The following NECTIN4 variants were observed in gnomAD, a reference collection of about 807,000 sequenced individuals.
NECTIN4 encodes nectin-4.
A neutral mutation model predicts 51.7 loss-of-function variants in NECTIN4; 19 were observed. The observed-to-expected ratio is 0.37, with a 90% CI of 0.26 to 0.54. NECTIN4 has a LOEUF of 0.54. Ranked by LOEUF, NECTIN4 falls within the 20% of genes least tolerant of loss-of-function variation. The probability of loss-of-function intolerance (pLI) is 0.86; values close to 1 mark genes in which losing one functional copy is unlikely to be tolerated. For missense variants in NECTIN4, 619 were observed against 662.4 expected (o/e 0.93, Z 0.72); for synonymous variants, 283 against 286.9 (o/e 0.99, Z 0.14).
chr1:161,089,134 G>A lies in NECTIN4; in HGVS notation c.79+84C>T, dbSNP rs575887939. The A allele has an allele frequency of 3.7e-5, 43 of 1,166,230 alleles. No individual in the cohort carries two copies. Among genetic ancestry groups the A allele is most frequent in the Middle Eastern group, 2.0e-4 (1 of 5,124 alleles). The allele number at this position is 1,166,230 out of a possible 1,614,324, so 72.2% of individuals were successfully genotyped here. On this transcript the variant is annotated intron_variant, in intron 1 of 8. Transcript: ENST00000368012. The surrounding 1 kb of genome is among the most constrained non-coding windows in gnomAD (Gnocchi z 4.1). ...GAAAGGAGGATATGTGTGTGCGTGC[G>A]TGTGTGTCTATGTGTTTGTGCATGT... is the stretch of plus-strand genomic sequence containing the variant.
At chr1:161,076,828 T>C (rs746327297) in intron 3 of NECTIN4, among the ~76,000 whole-genome samples, 15 of 152,262 alleles carry the variant, frequency 9.9e-5, no homozygotes, top group Non-Finnish European at 1.9e-4. Context: ...TTCAAAGGTG[T>C]AACAATCCTA....
At chr1:161,084,493 C>G (rs1173297457) in intron 1 of NECTIN4, 1 of 152,382 alleles carries the variant, frequency 6.6e-6, no homozygotes, top group Non-Finnish European at 1.5e-5. Context: ...CCCCCAGCAT[C>G]CTTCCCCACC....
intron 1 of NECTIN4, among the ~76,000 whole-genome samples, chr1:161,081,608 C>T (rs1653677681): frequency 6.6e-6 from 1 of 152,108 alleles, no homozygotes; most frequent in African/African-American, 2.4e-5. Context: ...AGCTCCTTGC[C>T]TTGGAACGCG....
chr1:161,084,848 G>A (rs1653858958), intron 1 of NECTIN4: 1 of 151,904 alleles, frequency 6.6e-6, no homozygotes, highest in African/African-American at 2.4e-5. Context: ...GGGGGGTGAG[G>A]GGAATCCTGC....
rs1653484526 is a variant in NECTIN4 at position 161,077,718 on chromosome 1, A to C, written c.465T>G (p.Pro155=). The change falls in exon 3 of 9, where the codon CCT becomes CCG. Residue 155 remains proline (P), a synonymous_variant. Coordinates refer to ENST00000368012, the MANE Select transcript of NECTIN4 (RefSeq NM_030916.3). ...CCTGGCCCTCTTCTAGTGCTGGACC[A>C]GGATTCAGTGAGGGCAGGGGAGGCA... ...VLVPPLPSLN[P]GPALEEGQGL... 1.2e-6 allele frequency: 2 copies of C among 1,611,236 alleles called. No homozygotes were observed. Among genetic ancestry groups the C allele is most frequent in the Non-Finnish European group, 1.7e-6 (2 of 1,179,922 alleles).
At chr1:161,081,758 T>G (rs939934652) in intron 1 of NECTIN4, among the ~76,000 whole-genome samples, 1 of 152,072 alleles carries the variant, frequency 6.6e-6, no homozygotes, top group Non-Finnish European at 1.5e-5. Flanking sequence ...CTACTCATCA[T>G]TTAAGACTCC....
At chr1:161,083,769 G>A (rs746864372) in intron 1 of NECTIN4, among the ~76,000 whole-genome samples, 26 of 152,190 alleles carry the variant, frequency 1.7e-4, no homozygotes, top group Admixed American at 2.6e-4. Context: ...AGGCCCCCAC[G>A]GGCCTCTTTG....
At chr1:161,077,211 C>T (rs1653447616) in intron 3 of NECTIN4, among the ~76,000 whole-genome samples, 1 of 152,170 alleles carries the variant, frequency 6.6e-6, no homozygotes, top group African/African-American at 2.4e-5. Flanking sequence ...AATTGATTCT[C>T]CCAACAACCC....
chr1:161,071,389 A>G lies in NECTIN4; in HGVS notation c.*1272T>C, dbSNP rs1001069849. The G allele has an allele frequency of 6.6e-6, 1 of 152,204 alleles. No homozygotes were observed. Among genetic ancestry groups the G allele is most frequent in the Non-Finnish European group, 1.5e-5 (1 of 68,048 alleles). The allele number at this position is 152,204 out of a possible 1,614,324, so 9.4% of individuals were successfully genotyped here. ...TCAACTCCTACTCTCTCGGTCTATA[A>G]TCACTGCTCTCTCTCTCCCCAACAC... On this transcript the variant is annotated 3_prime_UTR_variant, in exon 9 of 9. Transcript: ENST00000368012.
intron 1 of NECTIN4, among the ~76,000 whole-genome samples, chr1:161,081,027 G>A (rs1466567167): frequency 1.3e-5 from 2 of 152,154 alleles, no homozygotes; most frequent in South Asian, 2.1e-4. Flanking sequence ...AGGATTAGGA[G>A]GGAGAGAGGC....
At chr1:161,082,113 G>T (rs1036317955) in intron 1 of NECTIN4, among the ~76,000 whole-genome samples, 2 of 152,144 alleles carry the variant, frequency 1.3e-5, no homozygotes, top group African/African-American at 4.8e-5. Context: ...CAGATCACCT[G>T]AGGTCAGGAG....
At chr1:161,086,979 C>T (rs999242934) in intron 1 of NECTIN4, 2 of 152,362 alleles carry the variant, frequency 1.3e-5, no homozygotes, top group African/African-American at 4.8e-5. Context: ...CATCGTATTT[C>T]AGAGCTGGAA....
chr1:161,089,278 C>A lies in NECTIN4; in HGVS notation c.19G>T (p.Ala7Ser). MPLSLG[A>S]EMWGPEAWLL... ...CAGGCCTCAGGCCCCCACATCTCGG[C>A]TCCCAGGGACAGGGGCATGGTTGAA... The change falls in exon 1 of 9, where the codon GCC becomes TCC. Residue 7 changes from alanine to serine, a missense_variant. Ala to Ser is a moderately conservative substitution (Grantham distance 99). Coordinates refer to ENST00000368012, the MANE Select transcript of NECTIN4 (RefSeq NM_030916.3). The surrounding 1 kb of genome is among the most constrained non-coding windows in gnomAD (Gnocchi z 4.1). 1 of 1,610,668 alleles carries A rather than the reference C, an allele frequency of 6.2e-7. No homozygotes were observed.
chr1:161,071,224 T>C lies in NECTIN4; in HGVS notation c.*1437A>G, dbSNP rs1653130456. 6.6e-6 allele frequency: 1 copy of C among 152,068 alleles called. No homozygotes were observed. The highest frequency in any genetic ancestry group is 6.6e-5 in the Admixed American group (1 of 15,266). 9.4% of individuals were successfully genotyped at this position (152,068 alleles called of 1,614,324 possible). A position where few individuals can be genotyped will look rare whatever the true frequency, so the allele number is the denominator to read the frequency against. ...AATCTAGGTATTCTGGCTGAGTGTA[T>C]CTGGGTGGGCCAGCTAAAAATAAAC... is the stretch of plus-strand genomic sequence containing the variant. On this transcript the variant is annotated 3_prime_UTR_variant, in exon 9 of 9. Transcript: ENST00000368012.
rs1176507692 is a variant in NECTIN4 at position 161,089,227 on chromosome 1, A to T, written c.70T>A (p.Ser24Thr). The T allele has an allele frequency of 6.2e-7, 1 of 1,613,192 alleles. No homozygotes were observed. The highest frequency in any genetic ancestry group is 1.3e-5 in the African/African-American group (1 of 75,020). The part of the protein sequence containing the change: ...AWLLLLLLLA[S>T]FTGRCPAGEL... ...TTCAGGCAAGTCCTACCTGTAAATG[A>T]TGCCAGCAGTAGCAGCAGCAGCAGC... The change falls in exon 1 of 9, where the codon TCA becomes ACA. Residue 24 changes from serine to threonine, a missense_variant. Ser to Thr is a moderately conservative substitution (Grantham distance 58). Around this residue, in one of 3 missense-constraint regions of NECTIN4, gnomAD observed 218 missense variants for 186.3 expected, o/e 1.17. Coordinates refer to ENST00000368012, the MANE Select transcript of NECTIN4 (RefSeq NM_030916.3). This position sits in a 1 kb window ranked among gnomAD's most constrained non-coding sequence, Gnocchi z 4.1.
At chr1:161,081,373 G>T (rs1311806644) in intron 1 of NECTIN4, among the ~76,000 whole-genome samples, 3 of 151,944 alleles carry the variant, frequency 2.0e-5, no homozygotes, top group Non-Finnish European at 2.9e-5. Flanking sequence ...GGACAGTTCT[G>T]GGGGGAGATT....
chr1:161,088,977 A>C (rs1654068485), intron 1 of NECTIN4, among the ~76,000 whole-genome samples: 1 of 152,038 alleles, frequency 6.6e-6, no homozygotes, highest in Admixed American at 6.6e-5. Context: ...CAGAGGTGTC[A>C]GGGATCCCAG....
At chr1:161,082,173 A>G (rs1049789090) in intron 1 of NECTIN4, among the ~76,000 whole-genome samples, 1 of 151,980 alleles carries the variant, frequency 6.6e-6, no homozygotes, top group Non-Finnish European at 1.5e-5. Flanking sequence ...TACTAAAAAT[A>G]AAAAAATTAG....
rs1384666352 is a variant in NECTIN4, at chr1:161,074,384, C to T, written c.1001-11G>A. 2 of 1,614,006 alleles carry T rather than the reference C, an allele frequency of 1.2e-6. No homozygotes were observed. The highest frequency in any genetic ancestry group is 1.7e-6 in the Non-Finnish European group (2 of 1,179,976). The stretch of plus-strand genomic sequence containing the variant: ...AGTCTTCCTGGGGGTCTGCTGGAGA[C>T]AGGCCACTGTCTGAGGTGGAAGCCT... On this transcript the variant is annotated splice_polypyrimidine_tract_variant and intron_variant, in intron 5 of 8. Transcript: ENST00000368012.
Sources: allele counts gnomAD v4.1 joint callset (sites outside exome capture counted in the v4.1 genomes callset), GRCh38; gene constraint gnomAD v4.1.1; regional missense constraint gnomAD v4.1.1; non-coding constraint Gnocchi (gnomAD v3.1); transcripts MANE v1.5; gene names NCBI Gene and HGNC (gene_info 2026-07-23, HGNC 2026-07-21).